The following TAB2 variants were observed in gnomAD, a reference collection of about 807,000 sequenced individuals.
The protein encoded by TAB2 is TGF-beta activated kinase 1 (MAP3K7) binding protein 2, also known as TGF-beta-activated kinase 1 and MAP3K7-binding protein 2.
A neutral mutation model predicts 65.0 loss-of-function variants in TAB2; 3 were observed. That is an observed-to-expected ratio of 0.05 (90% CI 0.02 to 0.12). The LOEUF (loss-of-function observed/expected upper bound fraction) is 0.12, where lower values mean the gene tolerates loss of function less well. Among genes scored for constraint, TAB2 ranks in the 10% least tolerant of loss-of-function variants. The pLI is 1.00. For missense variants in TAB2, 623 were observed against 840.3 expected, an observed-to-expected ratio of 0.74 and a Z score of 3.20; for synonymous variants, 298 against 285.1, an observed-to-expected ratio of 1.05 and a Z score of -0.46.
intron 1 of TAB2, among the ~76,000 whole-genome samples, chr6:149,292,145 C>T (rs1055818784): frequency 3.3e-5 from 5 of 152,268 alleles, no homozygotes; most frequent in East Asian, 1.9e-4. Context: ...GAGATGTGAT[C>T]AGGGACTGGG....
In TAB2 at chr6:149,250,978, G is replaced by T. The variant is rs116478209; in HGVS notation, c.-121+32202G>T. Among the ~76,000 whole-genome samples the T allele has an allele frequency of 7.1e-3, 1,073 of 152,152 alleles. 10 individuals carry two copies. Among genetic ancestry groups the T allele is most frequent in the African/African-American group, 0.024 (1,006 of 41,446 alleles). On this transcript the variant is annotated intron_variant, in intron 1 of 1. Coordinates refer to the TAB2 transcript ENST00000606202. ...TCGCTCACTCACGCTTATTTCCAAA[G>T]GATATTTGCTGTCCCCATAGCAGCC...
chr6:149,327,260 AAGAC>A lies in TAB2; in HGVS notation c.-90+9249_-90+9252del, dbSNP rs200508860. ...CAAGATGGTCGTTTTTTAAAAATTT[AAGAC>A]AGATTAAATGTTCCATTTAATTACT... On this transcript the variant is annotated intron_variant, in intron 1 of 6. Coordinates refer to ENST00000637181, the MANE Select transcript of TAB2 (RefSeq NM_001292034.3). Among the ~76,000 whole-genome samples, 1,023 of 152,314 alleles carry A rather than the reference AAGAC, an allele frequency of 6.7e-3. 7 individuals carry two copies. The highest frequency in any genetic ancestry group is 0.023 in the African/African-American group (973 of 41,556).
At chr6:149,280,468 A>C (rs769496558) in intron 1 of TAB2, among the ~76,000 whole-genome samples, 1 of 152,142 alleles carries the variant, frequency 6.6e-6, no homozygotes, top group Non-Finnish European at 1.5e-5. Flanking sequence ...CTTCACCCTT[A>C]CTATTCATCT....
At chr6:149,234,360 C>G (rs767067654) in intron 1 of TAB2, among the ~76,000 whole-genome samples, 13 of 152,120 alleles carry the variant, frequency 8.5e-5, no homozygotes, top group Non-Finnish European at 1.2e-4. Flanking sequence ...TGAGAGGTGC[C>G]AGGAGGAAAG....
chr6:149,351,943 A>G (rs749268302), intron 1 of TAB2, among the ~76,000 whole-genome samples: 22 of 152,188 alleles, frequency 1.4e-4, no homozygotes, highest in Non-Finnish European at 2.8e-4. Flanking sequence ...GTGCATGGCT[A>G]AGGTAGAATA....
intron 3 of TAB2, among the ~76,000 whole-genome samples, chr6:149,390,426 C>A (rs754647144): frequency 6.6e-6 from 1 of 152,122 alleles, no homozygotes; most frequent in Non-Finnish European, 1.5e-5. Context: ...TGACATATGT[C>A]TTTTCTCAGT....
chr6:149,295,715 T>C (rs1487926399), intron 1 of TAB2, among the ~76,000 whole-genome samples: 1 of 152,222 alleles, frequency 6.6e-6, no homozygotes, highest in Non-Finnish European at 1.5e-5. Context: ...ATTTGATTAT[T>C]TGAAATGTGT....
Position 149,410,898 on chromosome 6 carries a change from GAGA to G in TAB2, c.*1182_*1184del, listed in dbSNP as rs1175383988. On this transcript the variant is annotated 3_prime_UTR_variant, in exon 7 of 7. Coordinates refer to ENST00000637181, the MANE Select transcript of TAB2 (RefSeq NM_001292034.3). ...CAGTACCTACAGCCCTTTTTTTGGAGAGAAGTTTAAATGCTTTACTGTTGGGGC... is the reference window on the plus strand; with the variant it reads ...CAGTACCTACAGCCCTTTTTTTGGAGAGTTTAAATGCTTTACTGTTGGGGC... 2 of 152,424 alleles carry G rather than the reference GAGA, an allele frequency of 1.3e-5. No homozygotes were observed. The highest frequency in any genetic ancestry group is 2.9e-5 in the Non-Finnish European group (2 of 68,016). The allele number at this position is 152,424 out of a possible 1,614,324, so 9.4% of individuals were successfully genotyped here. A position where few individuals can be genotyped will look rare whatever the true frequency, so the allele number is the denominator to read the frequency against.
chr6:149,373,937 C>T (rs890247791), intron 2 of TAB2, among the ~76,000 whole-genome samples: 3 of 152,072 alleles, frequency 2.0e-5, no homozygotes, highest in Non-Finnish European at 4.4e-5. Context: ...GGATTCATGT[C>T]GTATACCGAG....
intron 1 of TAB2, among the ~76,000 whole-genome samples, chr6:149,262,954 C>T (rs889605652): frequency 6.6e-6 from 1 of 152,108 alleles, no homozygotes; most frequent in African/African-American, 2.4e-5. Context: ...TGGGCACACA[C>T]CATTGTGCCC....
rs186873734 is a variant in TAB2, at chr6:149,406,585, G to A, written c.1940-2992G>A. ...TTTTGTCAATAAAGTTTTATTGCAGGAAAAGAAAAAGAAATGGGAACAAGG... is the reference window on the plus strand; with the variant it reads ...TTTTGTCAATAAAGTTTTATTGCAGAAAAAGAAAAAGAAATGGGAACAAGG... On this transcript the variant is annotated intron_variant, in intron 6 of 6. Transcript: ENST00000637181. Among the ~76,000 whole-genome samples the A allele has an allele frequency of 3.8e-3, 580 of 152,232 alleles. 1 individual carries two copies. Among genetic ancestry groups the A allele is most frequent in the Non-Finnish European group, 4.7e-3 (319 of 68,016 alleles).
chr6:149,351,239 C>G (rs6922130), intron 1 of TAB2, among the ~76,000 whole-genome samples: 70,547 of 151,896 alleles, frequency 0.46, 16,792 homozygotes, highest in Middle Eastern at 0.61. Context: ...GTCAGATTTC[C>G]CCAACTGCAA....
intron 3 of TAB2, among the ~76,000 whole-genome samples, chr6:149,394,482 A>G (rs1439072840): frequency 2.0e-5 from 3 of 152,046 alleles, no homozygotes; most frequent in African/African-American, 7.2e-5. Flanking sequence ...TCCTGCTTGT[A>G]TGTCTCATAA....
intron 3 of TAB2, among the ~76,000 whole-genome samples, chr6:149,395,907 ACTTC>A (rs1254273244): frequency 1.3e-5 from 2 of 152,126 alleles, no homozygotes; most frequent in Non-Finnish European, 2.9e-5. Context: ...AAAATTTGTT[ACTTC>A]CTTTTTTCCC....
intron 1 of TAB2, among the ~76,000 whole-genome samples, chr6:149,331,661 G>C (rs1779789121): frequency 6.6e-6 from 1 of 152,080 alleles, no homozygotes; most frequent in Admixed American, 6.5e-5. Context: ...GTTAGCTGTA[G>C]GTTTTTTGTA....
chr6:149,357,430 A>AAAACACAC, intron 1 of TAB2, among the ~76,000 whole-genome samples: 22 of 111,182 alleles, frequency 2.0e-4, no homozygotes, highest in African/African-American at 7.5e-4. Flanking sequence ...AGAAAAAAAA[A>AAAACACAC]ACACACACAC....
At chr6:149,322,761 T>TTTAG (rs1265011220) in intron 1 of TAB2, among the ~76,000 whole-genome samples, 1 of 152,186 alleles carries the variant, frequency 6.6e-6, no homozygotes, top group Non-Finnish European at 1.5e-5. Flanking sequence ...TTTTAAAATA[T>TTTAG]TTAGTACAGT....
At chr6:149,254,327 C>T (rs1338553787) in intron 1 of TAB2, among the ~76,000 whole-genome samples, 6 of 152,174 alleles carry the variant, frequency 3.9e-5, no homozygotes, top group African/African-American at 1.2e-4. Context: ...TGAAGCCTGA[C>T]CAGCCACTGG....
At chr6:149,234,423 A>G (rs561022652) in intron 1 of TAB2, among the ~76,000 whole-genome samples, 48 of 152,100 alleles carry the variant, frequency 3.2e-4, no homozygotes, top group Admixed American at 2.2e-3. Context: ...CAGGAAGTCA[A>G]CCACTGCCCA....
Sources: gnomAD v4.1 joint callset for allele counts (sites outside exome capture counted in the v4.1 genomes callset) on GRCh38, gnomAD v4.1.1 for gene constraint, MANE v1.5 for transcripts, NCBI Gene and HGNC (gene_info 2026-07-23, HGNC 2026-07-21) for gene names.